PPP1R16B: variants seen among roughly 807,000 people sequenced by gnomAD.
The protein encoded by PPP1R16B is protein phosphatase 1 regulatory inhibitor subunit 16B.
In PPP1R16B, 14 loss-of-function variants were observed where a neutral mutation model predicts 61.7. That is an observed-to-expected ratio of 0.23 (90% CI 0.15 to 0.35). PPP1R16B has a LOEUF of 0.35. Ranked by LOEUF, PPP1R16B falls within the 10% of genes least tolerant of loss-of-function variation. The probability of loss-of-function intolerance (pLI) is 1.00; values close to 1 mark genes in which losing one functional copy is unlikely to be tolerated. For synonymous variants in PPP1R16B, 266 were observed against 305.3 expected, an observed-to-expected ratio of 0.87 and a Z score of 1.34; for missense variants, 547 against 752.5, an observed-to-expected ratio of 0.73 and a Z score of 3.19.
intron 2 of PPP1R16B, among the ~76,000 whole-genome samples, chr20:38,848,366 C>T (rs1263420562): frequency 2.0e-5 from 3 of 152,190 alleles, no homozygotes; most frequent in African/African-American, 7.2e-5. Flanking sequence ...TCCCTTCCTT[C>T]CCTACAAGTT....
At chr20:38,903,846 G>A (rs1371630962) in intron 6 of PPP1R16B, among the ~76,000 whole-genome samples, 1 of 152,318 alleles carries the variant, frequency 6.6e-6, no homozygotes, top group East Asian at 1.9e-4. Context: ...TATTGGGGAG[G>A]TCTGCTTCTG....
intron 1 of PPP1R16B, 64 bp from the exon 2 acceptor site, chr20:38,835,761 A>T (rs897770753): frequency 1.2e-6 from 1 of 829,258 alleles, no homozygotes; most frequent in Non-Finnish European, 1.8e-6. Context: ...GCGTTGGGGG[A>T]CGATCAGATC....
intron 2 of PPP1R16B, among the ~76,000 whole-genome samples, chr20:38,855,907 C>CATATAT (rs371138532): frequency 0.02 from 351 of 17,766 alleles, 41 homozygotes; most frequent in Non-Finnish European, 0.021. Flanking sequence ...CAGTTTCCTA[C>CATATAT]ATATATATAT....
chr20:38,912,825 C>G (rs955133406), intron 10 of PPP1R16B, among the ~76,000 whole-genome samples: 1 of 152,212 alleles, frequency 6.6e-6, no homozygotes, highest in African/African-American at 2.4e-5. Flanking sequence ...AGGCTGTGCC[C>G]TGTTAGCCTT....
At chr20:38,910,705 A>G (rs1391250171) in intron 10 of PPP1R16B, among the ~76,000 whole-genome samples, 1 of 151,988 alleles carries the variant, frequency 6.6e-6, no homozygotes, top group Non-Finnish European at 1.5e-5. Context: ...GGCTAATTAA[A>G]AAAAATTTTT....
At chr20:38,914,479 GTTC>G (rs1396411078) in intron 10 of PPP1R16B, among the ~76,000 whole-genome samples, 1 of 152,112 alleles carries the variant, frequency 6.6e-6, no homozygotes, top group Non-Finnish European at 1.5e-5. Flanking sequence ...GGTCAATTGT[GTTC>G]TTATTTGTAT....
chr20:38,857,834 G>A (rs1601261113), intron 2 of PPP1R16B, among the ~76,000 whole-genome samples: 1 of 151,904 alleles, frequency 6.6e-6, no homozygotes, highest in Non-Finnish European at 1.5e-5. Flanking sequence ...CAGGTGGTTT[G>A]AGCCCACCAG....
At chr20:38,912,064 A>G (rs1233889627) in intron 10 of PPP1R16B, among the ~76,000 whole-genome samples, 1 of 144,640 alleles carries the variant, frequency 6.9e-6, no homozygotes, top group Non-Finnish European at 1.5e-5. Flanking sequence ...CCCATGGCAG[A>G]GTGTTTCTTG....
Position 38,881,755 on chromosome 20 carries a change from T to C in PPP1R16B, c.251-7840T>C, listed in dbSNP as rs573299422. On this transcript the variant is annotated intron_variant, in intron 2 of 10. Coordinates refer to ENST00000299824, the MANE Select transcript of PPP1R16B (RefSeq NM_015568.4). The stretch of plus-strand genomic sequence containing the variant: ...TGATGTTCTGGAACACTGACCTTTA[T>C]TGGCAATGTTCTTGACCTTTCTCTT... Among the ~76,000 whole-genome samples, 3 of 152,370 alleles carry C rather than the reference T, an allele frequency of 2.0e-5. 1 individual carries two copies. The highest frequency in any genetic ancestry group is 4.1e-4 in the South Asian group (2 of 4,830).
At chr20:38,916,201 A>G (rs1030048305) in intron 10 of PPP1R16B, among the ~76,000 whole-genome samples, 29 of 151,800 alleles carry the variant, frequency 1.9e-4, no homozygotes, top group Admixed American at 1.6e-3. Context: ...CCCTGACTCT[A>G]AAAGGAGAAA....
At chr20:38,838,080 C>T (rs1380523848) in intron 2 of PPP1R16B, 1 of 152,232 alleles carries the variant, frequency 6.6e-6, no homozygotes, top group Non-Finnish European at 1.5e-5. Flanking sequence ...TGTCACTGCC[C>T]TCATGGCCTT....
intron 1 of PPP1R16B, among the ~76,000 whole-genome samples, chr20:38,812,603 T>A (rs926928643): frequency 6.6e-6 from 1 of 152,208 alleles, no homozygotes; most frequent in Non-Finnish European, 1.5e-5. Context: ...CTTCCTGGAA[T>A]TATAGAGGCC....
chr20:38,858,364 A>C (rs1463488775), intron 2 of PPP1R16B, among the ~76,000 whole-genome samples: 1 of 151,644 alleles, frequency 6.6e-6, no homozygotes, highest in Admixed American at 6.6e-5. Context: ...CTGGGTGGAC[A>C]CAAAGGCCTC....
Position 38,906,112 on chromosome 20 carries a change from G to T in PPP1R16B, c.822+18G>T. ...GGGGACAGGTAGTTCTCACCCACAG[G>T]GCTGTGGGGGAGGCCGGCACAGGGC... On this transcript the variant is annotated intron_variant, in intron 7 of 10. Coordinates refer to ENST00000299824, the MANE Select transcript of PPP1R16B (RefSeq NM_015568.4). 6.2e-7 allele frequency: 1 copy of T among 1,609,144 alleles called. No homozygotes were observed. The highest frequency in any genetic ancestry group is 1.1e-5 in the South Asian group (1 of 90,860).
intron 2 of PPP1R16B, among the ~76,000 whole-genome samples, chr20:38,885,959 A>G (rs2085241735): frequency 1.3e-5 from 2 of 152,138 alleles, no homozygotes; most frequent in South Asian, 4.2e-4. Context: ...TATTTTTAGT[A>G]GAGACAGGGT....
chr20:38,906,098 G>T lies in PPP1R16B; in HGVS notation c.822+4G>T. The T allele has an allele frequency of 6.2e-7, 1 of 1,611,934 alleles. No homozygotes were observed. ...TGCAGCTGCCTTCTGGGGACAGGTA[G>T]TTCTCACCCACAGGGCTGTGGGGGA... On this transcript the variant is annotated splice_donor_region_variant and intron_variant, in intron 7 of 10. Transcript: ENST00000299824.
chr20:38,852,294 C>A (rs2084974227), intron 2 of PPP1R16B, among the ~76,000 whole-genome samples: 1 of 152,202 alleles, frequency 6.6e-6, no homozygotes. Flanking sequence ...GGCGTCCCAG[C>A]CAGGTCTGCC....
intron 2 of PPP1R16B, among the ~76,000 whole-genome samples, chr20:38,863,862 T>G (rs1417621996): frequency 6.6e-6 from 1 of 152,194 alleles, no homozygotes; most frequent in Non-Finnish European, 1.5e-5. Context: ...AGAAATGACA[T>G]AAGTCTACAT....
chr20:38,916,149 T>A (rs1442491113), intron 10 of PPP1R16B, among the ~76,000 whole-genome samples: 2 of 151,226 alleles, frequency 1.3e-5, no homozygotes, highest in Non-Finnish European at 2.9e-5. Context: ...GAGAATCATT[T>A]GAGACCAGGA....
Sources: allele counts gnomAD v4.1 joint callset (sites outside exome capture counted in the v4.1 genomes callset), GRCh38; gene constraint gnomAD v4.1.1; transcripts MANE v1.5; gene names NCBI Gene and HGNC (gene_info 2026-07-23, HGNC 2026-07-21).